Variants in PALLD observed in about 807,000 individuals in gnomAD.
PALLD encodes palladin, cytoskeletal associated protein, also known as palladin.
Under a neutral mutation model 123.5 loss-of-function variants are expected in PALLD, and 61 were observed. The ratio of observed to expected loss-of-function variants is 0.49; its 90% CI spans 0.40 to 0.61. PALLD has a LOEUF of 0.61. Ranked by LOEUF, PALLD falls within the 20% of genes least tolerant of loss-of-function variation. The pLI is 0.00. For synonymous variants in PALLD, 465 were observed against 496.4 expected (o/e 0.94, Z 0.84); for missense variants, 1,273 against 1,377.0 (o/e 0.92, Z 1.20).
intron 2 of PALLD, among the ~76,000 whole-genome samples, chr4:168,555,570 T>C (rs1369878702): frequency 6.6e-6 from 1 of 152,230 alleles, no homozygotes. Flanking sequence ...TAGCTGAATA[T>C]GAGTATTAGA....
At chr4:168,617,510 C>G (rs1774345130) in intron 2 of PALLD, among the ~76,000 whole-genome samples, 1 of 152,070 alleles carries the variant, frequency 6.6e-6, no homozygotes, top group Admixed American at 6.6e-5. Context: ...TAGGGGCCGG[C>G]CAGTCAAGCA....
At chr4:168,794,860 T>C (rs1738257451) in intron 10 of PALLD, among the ~76,000 whole-genome samples, 1 of 152,218 alleles carries the variant, frequency 6.6e-6, no homozygotes. Context: ...TGTTTTCTTA[T>C]GGTCTTACTC....
intron 10 of PALLD, among the ~76,000 whole-genome samples, chr4:168,782,362 T>C (rs1189225752): frequency 6.6e-6 from 1 of 152,232 alleles, no homozygotes; most frequent in African/African-American, 2.4e-5. Context: ...AGATAGTGTC[T>C]AGAAAATTAG....
At chr4:168,848,557 T>C (rs1021696622) in intron 10 of PALLD, among the ~76,000 whole-genome samples, 1 of 152,098 alleles carries the variant, frequency 6.6e-6, no homozygotes, top group Non-Finnish European at 1.5e-5. Context: ...ACTCAGTACA[T>C]GAAGGGAGAC....
chr4:168,610,440 C>G (rs931824324), intron 2 of PALLD, among the ~76,000 whole-genome samples: 2 of 152,190 alleles, frequency 1.3e-5, no homozygotes, highest in African/African-American at 4.8e-5. Context: ...GTGACCCTGT[C>G]CCTAGGGACT....
At chr4:168,833,412 C>A (rs1744622853) in intron 10 of PALLD, among the ~76,000 whole-genome samples, 2 of 152,108 alleles carry the variant, frequency 1.3e-5, no homozygotes, top group African/African-American at 4.8e-5. Context: ...CTGGGAGTCT[C>A]TAGGAGCCAG....
At chr4:168,622,522 T>C (rs1427458285) in intron 2 of PALLD, among the ~76,000 whole-genome samples, 7 of 152,166 alleles carry the variant, frequency 4.6e-5, no homozygotes, top group Non-Finnish European at 1.0e-4. Context: ...ATTTCCCCCT[T>C]TTTTCTTTCA....
At chr4:168,715,012 A>G (rs985568155) in intron 10 of PALLD, among the ~76,000 whole-genome samples, 2 of 152,114 alleles carry the variant, frequency 1.3e-5, no homozygotes, top group Non-Finnish European at 2.9e-5. Flanking sequence ...ACTGTCCAAC[A>G]GAAGTCGTCA....
intron 2 of PALLD, among the ~76,000 whole-genome samples, chr4:168,656,863 A>G (rs924093953): frequency 7.2e-5 from 11 of 152,248 alleles, no homozygotes; most frequent in Admixed American, 5.9e-4. Context: ...ACGTAAACAT[A>G]GACTGTTAAA....
At chr4:168,533,766 G>C (rs149572859) in intron 2 of PALLD, among the ~76,000 whole-genome samples, 31 of 152,232 alleles carry the variant, frequency 2.0e-4, no homozygotes, top group Non-Finnish European at 4.0e-4. Flanking sequence ...CCTGCACCAG[G>C]GGAAACTGAG....
At chr4:168,771,511 G>A (rs1392016873) in intron 10 of PALLD, among the ~76,000 whole-genome samples, 1 of 152,132 alleles carries the variant, frequency 6.6e-6, no homozygotes, top group Admixed American at 6.6e-5. Flanking sequence ...TAGAAGGCAG[G>A]CACCCATACA....
chr4:168,922,030 A>G (rs1010891561), intron 18 of PALLD, among the ~76,000 whole-genome samples: 2 of 151,610 alleles, frequency 1.3e-5, no homozygotes, highest in Non-Finnish European at 2.9e-5. Flanking sequence ...AGAAATAGTA[A>G]CAGCAGCATG....
chr4:168,549,582 C>A (rs1766515960), intron 2 of PALLD, among the ~76,000 whole-genome samples: 1 of 152,080 alleles, frequency 6.6e-6, no homozygotes, highest in Non-Finnish European at 1.5e-5. Flanking sequence ...CCAGTACATT[C>A]CCTCCCTCTT....
intron 2 of PALLD, among the ~76,000 whole-genome samples, chr4:168,588,975 TG>T: frequency 6.6e-6 from 1 of 152,284 alleles, no homozygotes; most frequent in Middle Eastern, 3.4e-3. Context: ...TCCTTGACAG[TG>T]AGTTTTTATG....
chr4:168,590,864 GTTTTTTTTTTTTT>G (rs371992201), intron 2 of PALLD, among the ~76,000 whole-genome samples: 2 of 70,194 alleles, frequency 2.8e-5, no homozygotes, highest in Admixed American at 1.8e-4. Flanking sequence ...GACCTAGAAA[GTTTTTTTTTTTTT>G]TTTTTTTTTT....
rs916914289 is a variant in PALLD at position 168,830,276 on chromosome 4, C to CATG, written c.1965-60645_1965-60644insTGA. ...AAAGTTATAGGCTGAGTGCGGTGGTCACGCCTGGGAGGCCGAGGTGGGAGG... is the reference window on the plus strand; with the variant it reads ...AAAGTTATAGGCTGAGTGCGGTGGTCATGACGCCTGGGAGGCCGAGGTGGGAGG... On this transcript the variant is annotated intron_variant, in intron 10 of 21. Transcript: ENST00000505667. Among the ~76,000 whole-genome samples the CATG allele has an allele frequency of 2.0e-5, 3 of 148,676 alleles. 1 individual carries two copies. The highest frequency in any genetic ancestry group is 4.4e-5 in the Non-Finnish European group (3 of 67,542).
At chr4:168,742,700 G>A (rs149649656) in intron 10 of PALLD, among the ~76,000 whole-genome samples, 16 of 152,148 alleles carry the variant, frequency 1.1e-4, no homozygotes, top group African/African-American at 3.6e-4. Flanking sequence ...GATCTAGTTC[G>A]TTTCACAGTT....
chr4:168,681,207 T>C, intron 3 of PALLD, 125 bp from the exon 4 acceptor site: 1 of 669,390 alleles, frequency 1.5e-6, no homozygotes, highest in East Asian at 2.9e-5. Flanking sequence ...ATCACTCTAT[T>C]TTATTGTGTG....
At chr4:168,599,356 C>T (rs1183254293) in intron 2 of PALLD, among the ~76,000 whole-genome samples, 1 of 152,136 alleles carries the variant, frequency 6.6e-6, no homozygotes, top group East Asian at 1.9e-4. Flanking sequence ...AGTCAAAATT[C>T]TAATCATCTA....
Sources: allele counts gnomAD v4.1 joint callset (sites outside exome capture counted in the v4.1 genomes callset), GRCh38; gene constraint gnomAD v4.1.1; transcripts MANE v1.5; gene names NCBI Gene and HGNC (gene_info 2026-07-23, HGNC 2026-07-21).